NDUFAF2: variants seen among roughly 807,000 people sequenced by gnomAD.
NDUFAF2 encodes the protein NADH dehydrogenase [ubiquinone] 1 alpha subcomplex assembly factor 2.
Under a neutral mutation model 22.8 loss-of-function variants are expected in NDUFAF2, and 13 were observed. The observed-to-expected ratio is 0.57, with a 90% CI of 0.37 to 0.91. The LOEUF (loss-of-function observed/expected upper bound fraction) is 0.91. Among genes scored for constraint, NDUFAF2 ranks in the 40% least tolerant of loss-of-function variants. NDUFAF2 has a pLI of 0.01. For synonymous variants in NDUFAF2, 53 were observed against 64.2 expected (o/e 0.83, Z 0.84); for missense variants, 162 against 195.2 (o/e 0.83, Z 1.01).
At chr5:61,018,043 C>T (rs940171355) in intron 1 of NDUFAF2, among the ~76,000 whole-genome samples, 1 of 152,164 alleles carries the variant, frequency 6.6e-6, no homozygotes, top group African/African-American at 2.4e-5. Context: ...TGAGCCACTG[C>T]ATCCTCATAT....
At chr5:61,056,345 A>G (rs913919467) in intron 1 of NDUFAF2, among the ~76,000 whole-genome samples, 1 of 152,212 alleles carries the variant, frequency 6.6e-6, no homozygotes, top group African/African-American at 2.4e-5. Context: ...TCATTGAGAA[A>G]TAATGAATAA....
chr5:61,121,841 C>CTTTTTTTTTTTTTTTTTTTTT (rs372908819), intron 3 of NDUFAF2, among the ~76,000 whole-genome samples: 1 of 138,456 alleles, frequency 7.2e-6, no homozygotes, highest in African/African-American at 2.7e-5. Context: ...TTTTTTTTTT[C>CTTTTTTTTTTTTTTTTTTTTT]TTTTTTTTTT....
chr5:61,067,957 C>A lies in NDUFAF2; in HGVS notation c.128-5168C>A, dbSNP rs1752251342. Among the ~76,000 whole-genome samples the A allele has an allele frequency of 2.0e-5, 3 of 152,048 alleles. No individual in the cohort carries two copies. In the South Asian group the frequency reaches 6.2e-4, roughly 32 times the overall value. ...ATTTTAATTTGCTTCACTCTAGTAA[C>A]CTTTTTACTGTCTATTCATATCCCA... On this transcript the variant is annotated intron_variant, in intron 1 of 3. Coordinates refer to ENST00000296597, the MANE Select transcript of NDUFAF2 (RefSeq NM_174889.5).
intron 1 of NDUFAF2, among the ~76,000 whole-genome samples, chr5:61,066,594 A>G (rs1478971938): frequency 5.2e-5 from 3 of 57,250 alleles, no homozygotes; most frequent in Non-Finnish European, 9.0e-5. Flanking sequence ...TGGTCAACTA[A>G]TTTTTGATCA....
intron 3 of NDUFAF2, among the ~76,000 whole-genome samples, chr5:61,111,619 T>C (rs569952008): frequency 6.6e-6 from 1 of 151,772 alleles, no homozygotes; most frequent in Non-Finnish European, 1.5e-5. Flanking sequence ...TTTTGTTTGT[T>C]TTTTTGTCTT....
At chr5:61,120,690 G>A (rs1752964617) in intron 3 of NDUFAF2, among the ~76,000 whole-genome samples, 1 of 151,812 alleles carries the variant, frequency 6.6e-6, no homozygotes, top group African/African-American at 2.4e-5. Context: ...CTTACTAGGT[G>A]CATATTAAAA....
rs761734310 is a variant in NDUFAF2, at chr5:60,945,220, C to T, written c.-36C>T. The stretch of plus-strand genomic sequence containing the variant: ...CTGGAGCATTACCCCTACTGCGGGT[C>T]CCGCTGCTGGCAGCGCTGGAAACTG... On this transcript the variant is annotated 5_prime_UTR_variant, in exon 1 of 4. Coordinates refer to ENST00000296597, the MANE Select transcript of NDUFAF2 (RefSeq NM_174889.5). 8.1e-6 allele frequency: 13 copies of T among 1,608,084 alleles called. No homozygotes were observed. The South Asian group carries it at 1.2e-4, about 15-fold the overall frequency.
intron 3 of NDUFAF2, among the ~76,000 whole-genome samples, chr5:61,125,971 A>G (rs924856251): frequency 1.3e-5 from 2 of 152,038 alleles, no homozygotes; most frequent in African/African-American, 4.8e-5. Flanking sequence ...ATAGAAATTC[A>G]ATTATACAGA....
chr5:61,012,050 T>C (rs1228126181), intron 1 of NDUFAF2, among the ~76,000 whole-genome samples: 2 of 152,178 alleles, frequency 1.3e-5, no homozygotes, highest in Admixed American at 6.6e-5. Flanking sequence ...TTTAAAGCTT[T>C]GATAATGCTA....
intron 1 of NDUFAF2, among the ~76,000 whole-genome samples, chr5:60,974,269 A>G (rs769618859): frequency 6.6e-6 from 1 of 151,862 alleles, no homozygotes. Flanking sequence ...CAAACATTAG[A>G]CTCCAAGTTC....
At chr5:61,107,456 G>T (rs1212173148) in intron 3 of NDUFAF2, among the ~76,000 whole-genome samples, 2 of 151,166 alleles carry the variant, frequency 1.3e-5, no homozygotes, top group Non-Finnish European at 2.9e-5. Flanking sequence ...CTATTGAGTT[G>T]TTTGAGTTCC....
intron 1 of NDUFAF2, among the ~76,000 whole-genome samples, chr5:61,059,936 T>A (rs1052558210): frequency 1.3e-5 from 2 of 152,234 alleles, no homozygotes; most frequent in Non-Finnish European, 2.9e-5. Context: ...AAGATGTTAG[T>A]TTTTAATTGG....
chr5:60,978,391 G>T (rs1750931534), intron 1 of NDUFAF2, among the ~76,000 whole-genome samples: 1 of 152,180 alleles, frequency 6.6e-6, no homozygotes, highest in Non-Finnish European at 1.5e-5. Context: ...CTGGCTCACG[G>T]TTCTGCAGGC....
At chr5:60,955,562 T>C (rs1223153970) in intron 1 of NDUFAF2, among the ~76,000 whole-genome samples, 3 of 152,210 alleles carry the variant, frequency 2.0e-5, no homozygotes, top group Non-Finnish European at 4.4e-5. Flanking sequence ...CTTCTTGTAA[T>C]TCCATATGAA....
chr5:61,041,793 G>T (rs956699820), intron 1 of NDUFAF2, among the ~76,000 whole-genome samples: 1 of 152,060 alleles, frequency 6.6e-6, no homozygotes, highest in Admixed American at 6.6e-5. Flanking sequence ...CCAGATATTT[G>T]TTCACCATGT....
At chr5:60,961,391 C>T (rs1021794354) in intron 1 of NDUFAF2, among the ~76,000 whole-genome samples, 10 of 151,982 alleles carry the variant, frequency 6.6e-5, no homozygotes, top group South Asian at 4.1e-4. Context: ...GTCAGGAGAT[C>T]GAGACCATCC....
chr5:60,999,206 G>C (rs1165945896), intron 1 of NDUFAF2, among the ~76,000 whole-genome samples: 1 of 151,978 alleles, frequency 6.6e-6, no homozygotes, highest in Non-Finnish European at 1.5e-5. Context: ...ATGGGAACTA[G>C]CAATTCCACT....
intron 1 of NDUFAF2, among the ~76,000 whole-genome samples, chr5:61,028,320 A>G (rs982852669): frequency 5.9e-5 from 9 of 152,062 alleles, no homozygotes; most frequent in African/African-American, 2.2e-4. Context: ...ATCACATTCA[A>G]TATTAGAAGT....
At chr5:61,106,900 G>A (rs540769291) in intron 3 of NDUFAF2, among the ~76,000 whole-genome samples, 1 of 151,336 alleles carries the variant, frequency 6.6e-6, no homozygotes, top group African/African-American at 2.5e-5. Flanking sequence ...TTCACTGTGT[G>A]TATATATCAC....
Sources: allele counts gnomAD v4.1 joint callset (sites outside exome capture counted in the v4.1 genomes callset), GRCh38; gene constraint gnomAD v4.1.1; transcripts MANE v1.5; gene names NCBI Gene and HGNC (gene_info 2026-07-23, HGNC 2026-07-21).